ENOSF1: variants seen among roughly 807,000 people sequenced by gnomAD.
ENOSF1 encodes mitochondrial enolase superfamily member 1.
A neutral mutation model predicts 68.2 loss-of-function variants in ENOSF1; 73 were observed. The ratio of observed to expected loss-of-function variants is 1.07; its 90% confidence interval spans 0.89 to 1.30. The LOEUF (loss-of-function observed/expected upper bound fraction) is 1.30. ENOSF1 is among the 50% of genes most tolerant of loss of function. The probability of loss-of-function intolerance (pLI) is 0.00; values close to 1 mark genes in which losing one functional copy is unlikely to be tolerated. For synonymous variants in ENOSF1, 223 were observed against 210.4 expected (o/e 1.06, Z -0.52); for missense variants, 589 against 554.5 (o/e 1.06, Z -0.62).
chr18:683,802 T>C (rs983926819), intron 10 of ENOSF1, among the ~76,000 whole-genome samples: 2 of 152,102 alleles, frequency 1.3e-5, no homozygotes, highest in Non-Finnish European at 2.9e-5. Flanking sequence ...TCAATAGTCA[T>C]TTATTGACTA....
chr18:702,863 T>C (rs1239193492), intron 2 of ENOSF1, among the ~76,000 whole-genome samples: 1 of 152,216 alleles, frequency 6.6e-6, no homozygotes, highest in Non-Finnish European at 1.5e-5. Context: ...CATTGGTATA[T>C]TCTATACATT....
At chr18:665,440 T>C (rs1187925577), downstream of ENOSF1, among the ~76,000 whole-genome samples, 1 of 150,880 alleles carries the variant, frequency 6.6e-6, no homozygotes. Context: ...GGTCTATAAA[T>C]TTTGTTGATC....
chr18:697,446 G>A (rs975685408), intron 2 of ENOSF1, 91 bp from the exon 3 acceptor site: 1 of 1,060,346 alleles, frequency 9.4e-7, no homozygotes, highest in South Asian at 1.4e-5. Context: ...AAATGTGAAA[G>A]TTTTATGAAA....
Position 697,356 on chromosome 18 carries a change from C to A in ENOSF1, c.194-1G>T, listed in dbSNP as rs139127941. The A allele has an allele frequency of 1.7e-5, 28 of 1,605,304 alleles. No homozygotes were observed. Among genetic ancestry groups the A allele is most frequent in the Non-Finnish European group, 2.0e-5 (24 of 1,175,524 alleles). ...GCGAGGGCATTCACAGCACAGACAA[C>A]TATTTAAAAAGGATTGAACTCTTGT... is the stretch of plus-strand genomic sequence containing the variant. On this transcript the variant is annotated splice_acceptor_variant, in intron 2 of 15. Coordinates refer to ENST00000647584, the MANE Select transcript of ENOSF1 (RefSeq NM_017512.7). LOFTEE classifies it high-confidence loss of function.
chr18:711,634 C>T (rs995036471), intron 1 of ENOSF1, among the ~76,000 whole-genome samples: 12 of 152,220 alleles, frequency 7.9e-5, no homozygotes, highest in Non-Finnish European at 1.8e-4. Flanking sequence ...GGAAACACCG[C>T]TCTAGACGGG....
intron 10 of ENOSF1, 60 bp downstream of exon 10, chr18:685,861 G>C (rs150853806): frequency 2.4e-6 from 3 of 1,251,620 alleles, no homozygotes; most frequent in Non-Finnish European, 3.5e-6. Context: ...ATCTTGAAAC[G>C]AGTTGTATTT....
chr18:674,475 T>C, intron 15 of ENOSF1, 69 bp from the exon 16 acceptor site: 1 of 981,136 alleles, frequency 1.0e-6, no homozygotes, highest in Non-Finnish European at 1.6e-6. Context: ...TATGCATTTA[T>C]GCTGCTCCAA....
chr18:688,748 AG>A, intron 8 of ENOSF1, 140 bp from the exon 9 acceptor site: 1 of 709,298 alleles, frequency 1.4e-6, no homozygotes. Flanking sequence ...TGAAATTAAC[AG>A]CAGAAACAGC....
At chr18:688,536 C>T (rs1473084584) in intron 9 of ENOSF1, 38 bp downstream of exon 9, 5 of 1,613,710 alleles carry the variant, frequency 3.1e-6, no homozygotes, top group Non-Finnish European at 4.2e-6. Flanking sequence ...GTCTCTCCTG[C>T]CGCCAACTGG....
At chr18:707,563 TTTTTG>T (rs755054822) in intron 1 of ENOSF1, 7 of 152,178 alleles carry the variant, frequency 4.6e-5, no homozygotes, top group Non-Finnish European at 8.8e-5. Flanking sequence ...ATTCACTAAT[TTTTTG>T]TTTTGTTCTA....
chr18:705,539 TTC>T (rs959927445), intron 2 of ENOSF1, among the ~76,000 whole-genome samples: 2 of 151,676 alleles, frequency 1.3e-5, no homozygotes, highest in Non-Finnish European at 2.9e-5. Flanking sequence ...AAAAGTTATG[TTC>T]TGTGTCTTCT....
intron 3 of ENOSF1, among the ~76,000 whole-genome samples, chr18:695,262 T>C (rs2077600397): frequency 6.6e-6 from 1 of 152,214 alleles, no homozygotes; most frequent in Non-Finnish European, 1.5e-5. Context: ...TGATCTGGAG[T>C]TCCTTCATGA....
downstream of ENOSF1, chr18:668,991 G>A (rs2074921939): frequency 1.4e-5 from 17 of 1,190,222 alleles, no homozygotes; most frequent in Non-Finnish European, 2.1e-5. Context: ...GTAAGAGACT[G>A]TAATAGATGA....
chr18:673,111 C>A lies in ENOSF1; in HGVS notation c.*1194G>T. On this transcript the variant is annotated 3_prime_UTR_variant, in exon 16 of 16. Coordinates refer to ENST00000647584, the MANE Select transcript of ENOSF1 (RefSeq NM_017512.7). ...AAAGGAACTAGGTCAAAAATCTGTC[C>A]GTGACCTATCAGTTATTAATTTTTA... is the stretch of plus-strand genomic sequence containing the variant. 8.7e-7 allele frequency: 1 copy of A among 1,146,946 alleles called. No individual in the cohort carries two copies. Among genetic ancestry groups the A allele is most frequent in the Non-Finnish European group, 1.2e-6 (1 of 838,002 alleles). The allele number at this position is 1,146,946 out of a possible 1,614,324, so 71.0% of individuals were successfully genotyped here.
chr18:709,785 A>G (rs2145543163), intron 1 of ENOSF1, among the ~76,000 whole-genome samples: 1 of 151,592 alleles, frequency 6.6e-6, no homozygotes, highest in East Asian at 1.9e-4. Context: ...AAAAAGCAGG[A>G]GTCTTTAGCA....
chr18:675,270 G>C, intron 15 of ENOSF1, 51 bp downstream of exon 15: 1 of 1,387,124 alleles, frequency 7.2e-7, no homozygotes. Context: ...AGACAGGCGT[G>C]GCAGTGGCTG....
intron 3 of ENOSF1, among the ~76,000 whole-genome samples, chr18:696,739 T>C (rs2077776006): frequency 6.6e-6 from 1 of 152,126 alleles, no homozygotes; most frequent in African/African-American, 2.4e-5. Context: ...CTTACAGAAA[T>C]GAGTTGTTTA....
chr18:707,208 T>C (rs758793184), intron 1 of ENOSF1, among the ~76,000 whole-genome samples: 13 of 152,068 alleles, frequency 8.5e-5, no homozygotes, highest in Admixed American at 2.0e-4. Flanking sequence ...AATAAAAAAA[T>C]AGAGATGGAG....
intron 1 of ENOSF1, among the ~76,000 whole-genome samples, chr18:709,975 C>CA (rs1348733901): frequency 6.6e-6 from 1 of 152,236 alleles, no homozygotes; most frequent in Non-Finnish European, 1.5e-5. Context: ...ACACAACATA[C>CA]ACCCTATCTC....
Sources: allele counts gnomAD v4.1 joint callset (sites outside exome capture counted in the v4.1 genomes callset), GRCh38; gene constraint gnomAD v4.1.1; transcripts MANE v1.5; gene names NCBI Gene and HGNC (gene_info 2026-07-23, HGNC 2026-07-21).